MN1: variants seen among roughly 807,000 people sequenced by gnomAD.
MN1 encodes transcriptional activator MN1.
In MN1, 19 loss-of-function variants were observed where a neutral mutation model predicts 86.9. The ratio of observed to expected loss-of-function variants is 0.22; its 90% CI spans 0.15 to 0.32. The LOEUF (loss-of-function observed/expected upper bound fraction) is 0.32. MN1 is among the 10% of genes least tolerant of loss of function. The probability of loss-of-function intolerance (pLI) is 1.00; values close to 1 mark genes in which losing one functional copy is unlikely to be tolerated. For missense variants in MN1, 1,841 were observed against 1,862.0 expected (o/e 0.99, Z 0.21); for synonymous variants, 928 against 849.6 (o/e 1.09, Z -1.60).
At chr22:27,785,676 C>T (rs1271468206) in intron 1 of MN1, among the ~76,000 whole-genome samples, 1 of 152,100 alleles carries the variant, frequency 6.6e-6, no homozygotes, top group Non-Finnish European at 1.5e-5. Context: ...TTTACCTAGC[C>T]CATAAATTCT....
At chr22:27,766,709 G>A (rs943266501) in intron 1 of MN1, among the ~76,000 whole-genome samples, 1 of 152,140 alleles carries the variant, frequency 6.6e-6, no homozygotes, top group Non-Finnish European at 1.5e-5. Flanking sequence ...AGACTGGGCT[G>A]ACAAGTGCTA....
At chr22:27,787,846 C>T (rs1394794829) in intron 1 of MN1, among the ~76,000 whole-genome samples, 1 of 152,202 alleles carries the variant, frequency 6.6e-6, no homozygotes, top group Non-Finnish European at 1.5e-5. Context: ...TCTTCATCCC[C>T]TTGAGCCTGC....
intron 1 of MN1, among the ~76,000 whole-genome samples, chr22:27,789,989 G>A (rs192127311): frequency 1.2e-3 from 178 of 152,272 alleles, no homozygotes; most frequent in East Asian, 7.5e-3. Flanking sequence ...GGAAGCTATC[G>A]GGAACCCAGT....
intron 1 of MN1, among the ~76,000 whole-genome samples, chr22:27,783,041 G>A (rs1933074711): frequency 6.6e-6 from 1 of 151,956 alleles, no homozygotes; most frequent in South Asian, 2.1e-4. Flanking sequence ...CCAAGGTCAA[G>A]AATTCTCTCC....
At chr22:27,787,656 T>C (rs1363530018) in intron 1 of MN1, among the ~76,000 whole-genome samples, 1 of 151,974 alleles carries the variant, frequency 6.6e-6, no homozygotes, top group Non-Finnish European at 1.5e-5. Flanking sequence ...TCCCTGAGGG[T>C]CTTGCTAGGA....
Position 27,797,547 on chromosome 22 carries a change from C to T in MN1, c.2997G>A (p.Thr999=), listed in dbSNP as rs759140928. Residue 999 remains threonine (T), a synonymous_variant, in exon 1 of 2, where the codon ACG becomes ACA. Coordinates refer to ENST00000302326, the MANE Select transcript of MN1 (RefSeq NM_002430.3). Reference sequence around the variant, plus strand: ...GCGACGTGAGCGCCTTTTCGTGGGGCGTCGGTGCCCCGCGCGTCTCGCCTG... The same window carrying T: ...GCGACGTGAGCGCCTTTTCGTGGGGTGTCGGTGCCCCGCGCGTCTCGCCTG... ...SSAGETRGAP[T]PHEKALTSPS... 6.2e-7 allele frequency: 1 copy of T among 1,607,858 alleles called. No individual in the cohort carries two copies.
chr22:27,796,060 C>G (rs769215253), intron 1 of MN1, among the ~76,000 whole-genome samples: 1 of 152,146 alleles, frequency 6.6e-6, no homozygotes, highest in South Asian at 2.1e-4. Context: ...CCAGCACTCC[C>G]CCTCCCCAAC....
intron 1 of MN1, among the ~76,000 whole-genome samples, chr22:27,768,877 G>A (rs1932890825): frequency 6.6e-6 from 1 of 152,150 alleles, no homozygotes; most frequent in Non-Finnish European, 1.5e-5. Context: ...GTGTTTGACA[G>A]CTGTGTGTGG....
At chr22:27,789,242 C>T (rs543802451) in intron 1 of MN1, among the ~76,000 whole-genome samples, 3 of 152,262 alleles carry the variant, frequency 2.0e-5, no homozygotes, top group African/African-American at 7.2e-5. Context: ...AAGTCCCCAA[C>T]TTTCCAAAGA....
chr22:27,792,317 CAT>C (rs36207111), intron 1 of MN1, among the ~76,000 whole-genome samples: 5,770 of 113,874 alleles, frequency 0.051, 131 homozygotes, highest in Middle Eastern at 0.11. Flanking sequence ...ATAAAAATTG[CAT>C]ATATATATAT....
Position 27,751,060 on chromosome 22 carries a change from T to C in MN1, c.3818A>G (p.Gln1273Arg). 1 of 1,595,946 alleles carries C rather than the reference T, an allele frequency of 6.3e-7. No homozygotes were observed. Among genetic ancestry groups the C allele is most frequent in the African/African-American group, 1.3e-5 (1 of 74,572 alleles). ...CAGGCACTGCAAGTGGCTGCCAGGC[T>C]GGGATGCTGAGGCCTTGTTTGCAGG... ...DLPANKASAS[Q>R]PGSHLQCLSV... Residue 1273 changes from glutamine to arginine, a missense_variant, in exon 2 of 2, where the codon CAG (glutamine) becomes CGG (arginine). Physicochemically the swap from Gln to Arg is conservative, Grantham distance 43. Coordinates refer to ENST00000302326, the MANE Select transcript of MN1 (RefSeq NM_002430.3).
intron 1 of MN1, among the ~76,000 whole-genome samples, chr22:27,775,447 C>T (rs1932965698): frequency 6.6e-6 from 1 of 152,180 alleles, no homozygotes; most frequent in Admixed American, 6.5e-5. Flanking sequence ...ATCACCACCC[C>T]TTCGAGGCCT....
chr22:27,797,353 T>A lies in MN1; in HGVS notation c.3191A>T (p.Asp1064Val). The change falls in exon 1 of 2, where the codon GAC (aspartate) becomes GTC (valine). Residue 1064 changes from aspartate (D) to valine (V), a missense_variant. Asp to Val is a radical substitution (Grantham distance 152). Transcript: ENST00000302326. ...ANEDEVSSSS[D>V]NPQALVKASR... is the part of the protein sequence containing the mutation. The stretch of plus-strand genomic sequence containing the variant: ...CGCTTTAACTAGTGCCTGGGGGTTG[T>A]CAGAGCTGGACGACACCTCGTCCTC... 1 of 1,608,686 alleles carries A rather than the reference T, an allele frequency of 6.2e-7. No homozygotes were observed. The highest frequency in any genetic ancestry group is 8.5e-7 in the Non-Finnish European group (1 of 1,179,904).
intron 1 of MN1, among the ~76,000 whole-genome samples, chr22:27,755,485 A>G (rs1932796328): frequency 6.6e-6 from 1 of 152,200 alleles, no homozygotes; most frequent in Non-Finnish European, 1.5e-5. Context: ...TTTTAAGGAC[A>G]GCTATGGCCA....
At position 27,748,278 on chromosome 22, in the gene MN1, C is replaced by G. The variant is rs1932715276; in HGVS notation, c.*2637G>C. On this transcript the variant is annotated 3_prime_UTR_variant, in exon 2 of 2. Coordinates refer to ENST00000302326, the MANE Select transcript of MN1 (RefSeq NM_002430.3). ...GCCCCACCCACAAATATACCACAGTCACCATTAACGTCATATTTATTGTTA... is the reference window on the plus strand; with the variant it reads ...GCCCCACCCACAAATATACCACAGTGACCATTAACGTCATATTTATTGTTA... 1.2e-5 allele frequency: 2 copies of G among 171,024 alleles called. No homozygotes were observed. Among genetic ancestry groups the G allele is most frequent in the African/African-American group, 4.8e-5 (2 of 41,966 alleles). The allele number at this position is 171,024 out of a possible 1,614,324, so 10.6% of individuals were successfully genotyped here. A position where few individuals can be genotyped will look rare whatever the true frequency, so the allele number is the denominator to read the frequency against.
Position 27,800,371 on chromosome 22 carries a change from GGTTCGCCCA to G in MN1, c.164_172del (p.Leu55_Glu57del), listed in dbSNP as rs1933411280. The G allele has an allele frequency of 6.2e-7, 1 of 1,610,922 alleles. No homozygotes were observed. Among genetic ancestry groups the G allele is most frequent in the African/African-American group, 1.3e-5 (1 of 74,870 alleles). ...CTCCATGTTCATGCCCAAGATCGGG[GGTTCGCCCA>G]GCGCGCTCATAGCAGGATCCACAGG... On this transcript the variant is annotated inframe_deletion, in exon 1 of 2. Coordinates refer to ENST00000302326, the MANE Select transcript of MN1 (RefSeq NM_002430.3).
intron 1 of MN1, among the ~76,000 whole-genome samples, chr22:27,759,801 G>A (rs1294477973): frequency 6.6e-6 from 1 of 152,210 alleles, no homozygotes; most frequent in Non-Finnish European, 1.5e-5. Flanking sequence ...CTTGCTTGCT[G>A]TGTGATCCTG....
intron 1 of MN1, among the ~76,000 whole-genome samples, chr22:27,788,444 A>T (rs1187537187): frequency 1.3e-5 from 2 of 152,028 alleles, no homozygotes; most frequent in Non-Finnish European, 2.9e-5. Flanking sequence ...AGCTTTGGGG[A>T]TTTCAAAGCA....
In MN1 at chr22:27,796,843, G is replaced by A. The variant is rs1274323843; in HGVS notation, c.3701C>T (p.Ala1234Val). Residue 1234 changes from alanine (A) to valine (V), a missense_variant, in exon 1 of 2, where the codon GCC becomes GTC. Physicochemically the swap from Ala to Val is moderately conservative, Grantham distance 64 (BLOSUM62 0). Coordinates refer to ENST00000302326, the MANE Select transcript of MN1 (RefSeq NM_002430.3). ...GTCGTCGTCCGCGCTGTCCACCAGG[G>A]CCTTGTCAGCGGGCATGTACCAGGC... ...SAAWYMPADKALVDSADDDKT... is the reference protein window; with the variant it reads ...SAAWYMPADKVLVDSADDDKT... 4 of 1,612,626 alleles carry A rather than the reference G, an allele frequency of 2.5e-6. No homozygotes were observed. The highest frequency in any genetic ancestry group is 1.3e-5 in the African/African-American group (1 of 74,928).
Sources: allele counts gnomAD v4.1 joint callset (sites outside exome capture counted in the v4.1 genomes callset), GRCh38; gene constraint gnomAD v4.1.1; transcripts MANE v1.5; gene names NCBI Gene and HGNC (gene_info 2026-07-23, HGNC 2026-07-21).